CAB39: variants seen among roughly 807,000 people sequenced by gnomAD.
CAB39 encodes calcium-binding protein 39.
In CAB39, 8 loss-of-function variants were observed where a neutral mutation model predicts 40.0. That is an observed-to-expected ratio of 0.20 (90% CI 0.12 to 0.36). The LOEUF is 0.36. CAB39 is among the 10% of genes least tolerant of loss of function. CAB39 has a pLI of 1.00. For missense variants in CAB39, 270 were observed against 401.1 expected, an observed-to-expected ratio of 0.67 and a Z score of 2.79; for synonymous variants, 156 against 141.6, an observed-to-expected ratio of 1.10 and a Z score of -0.72.
chr2:230,754,130 G>A (rs116489826), intron 1 of CAB39, among the ~76,000 whole-genome samples: 100 of 152,298 alleles, frequency 6.6e-4, no homozygotes, highest in African/African-American at 2.4e-3. Context: ...GAGGGCCATG[G>A]TAAGGAATTT....
Position 230,798,122 on chromosome 2 carries a change from G to C in CAB39, c.399-607G>C, listed in dbSNP as rs546431655. Among the ~76,000 whole-genome samples, 159 of 152,262 alleles carry C rather than the reference G, an allele frequency of 1.0e-3. 2 individuals are homozygous for C. The highest frequency in any genetic ancestry group is 2.1e-3 in the East Asian group (11 of 5,174). On this transcript the variant is annotated intron_variant, in intron 4 of 8. Transcript: ENST00000258418. ...GCATAGGGAAGGCTGTGTGCAGAGA[G>C]CTGATGAGGGGGGTCTGCCTGCTCT...
At chr2:230,747,218 C>A (rs1351449376) in intron 1 of CAB39, among the ~76,000 whole-genome samples, 1 of 152,136 alleles carries the variant, frequency 6.6e-6, no homozygotes, top group African/African-American at 2.4e-5. Context: ...GAGTGAGACT[C>A]CTTCTCAAAA....
At chr2:230,798,376 C>G (rs184970615) in intron 4 of CAB39, among the ~76,000 whole-genome samples, 121 of 152,256 alleles carry the variant, frequency 7.9e-4, no homozygotes, top group African/African-American at 2.8e-3. Flanking sequence ...TTCTGAGTGT[C>G]AAGAGCACCA....
At chr2:230,736,949 T>TAAC (rs1163316449) in intron 1 of CAB39, among the ~76,000 whole-genome samples, 1 of 152,160 alleles carries the variant, frequency 6.6e-6, no homozygotes, top group Non-Finnish European at 1.5e-5. Flanking sequence ...GGTCCAAGGT[T>TAAC]AGAGTGTCTG....
In CAB39 at chr2:230,756,947, T is replaced by A. The variant is rs1228219897; in HGVS notation, c.-43-3012T>A. 6.6e-5 allele frequency among the ~76,000 whole-genome samples: 10 copies of A among 152,318 alleles called. No individual in the cohort carries two copies. The East Asian group carries it at 1.9e-3, about 29-fold the overall frequency. ...ACCTCGTGATCTGCTGGCCTCGTCCTCCCAAAGTGCTGGGATTACAGGCGT... is the reference window on the plus strand; with the variant it reads ...ACCTCGTGATCTGCTGGCCTCGTCCACCCAAAGTGCTGGGATTACAGGCGT... On this transcript the variant is annotated intron_variant, in intron 1 of 8. Coordinates refer to ENST00000258418, the MANE Select transcript of CAB39 (RefSeq NM_016289.4).
chr2:230,717,051 T>A (rs1413374533), intron 1 of CAB39, among the ~76,000 whole-genome samples: 1 of 152,150 alleles, frequency 6.6e-6, no homozygotes, highest in Middle Eastern at 3.2e-3. Flanking sequence ...CATTTTCCTC[T>A]TTTTCATTGC....
chr2:230,721,668 G>A (rs1004016564), intron 1 of CAB39, among the ~76,000 whole-genome samples: 5 of 152,196 alleles, frequency 3.3e-5, no homozygotes, highest in Non-Finnish European at 7.3e-5. Flanking sequence ...TTGTTTGTAG[G>A]AGAGGTTCCA....
In CAB39 at chr2:230,768,974, G is replaced by T. The variant is rs1695436354; in HGVS notation, c.114+8859G>T. Among the ~76,000 whole-genome samples, 3 of 152,130 alleles carry T rather than the reference G, an allele frequency of 2.0e-5. No individual in the cohort carries two copies. The South Asian group carries it at 6.2e-4, about 31-fold the overall frequency. ...AAAAACAGAGATTGTCAGATTGGAT[G>T]AAAGAATCCCTACTATATGGTGCCT... On this transcript the variant is annotated intron_variant, in intron 2 of 8. Coordinates refer to ENST00000258418, the MANE Select transcript of CAB39 (RefSeq NM_016289.4).
intron 1 of CAB39, among the ~76,000 whole-genome samples, chr2:230,728,216 C>T (rs1033343240): frequency 6.6e-6 from 1 of 151,538 alleles, no homozygotes; most frequent in Admixed American, 6.6e-5. Context: ...CCAGCATGGG[C>T]GATAGAGTGA....
Position 230,729,318 on chromosome 2 carries a change from T to C in CAB39, c.-44+16088T>C, listed in dbSNP as rs146146699. On this transcript the variant is annotated intron_variant, in intron 1 of 8. Transcript: ENST00000258418. Reference sequence around the variant, plus strand: ...ACAAAGATGCCCAGTAACACTGATGTTTGATAATGTCTTGGCCAGTGCAAG... The same window carrying C: ...ACAAAGATGCCCAGTAACACTGATGCTTGATAATGTCTTGGCCAGTGCAAG... Among the ~76,000 whole-genome samples the C allele has an allele frequency of 6.5e-3, 987 of 152,346 alleles. 6 individuals carry two copies. Among genetic ancestry groups the C allele is most frequent in the South Asian group, 0.024 (115 of 4,824 alleles).
intron 1 of CAB39, among the ~76,000 whole-genome samples, chr2:230,739,683 G>A (rs1177174823): frequency 1.3e-5 from 2 of 152,160 alleles, no homozygotes; most frequent in African/African-American, 2.4e-5. Flanking sequence ...TAGTAGAGAC[G>A]GGGTTTCTGC....
chr2:230,761,367 T>C (rs918172997), intron 2 of CAB39, among the ~76,000 whole-genome samples: 1 of 152,170 alleles, frequency 6.6e-6, no homozygotes, highest in Non-Finnish European at 1.5e-5. Context: ...CTTATTCACA[T>C]GTAAGTACTT....
intron 2 of CAB39, among the ~76,000 whole-genome samples, chr2:230,772,620 G>T (rs1240841978): frequency 6.6e-6 from 1 of 152,018 alleles, no homozygotes; most frequent in East Asian, 1.9e-4. Context: ...AAGTAGCTGG[G>T]ACTACAGGTG....
chr2:230,785,820 C>T (rs907186913), intron 2 of CAB39, among the ~76,000 whole-genome samples: 4 of 151,668 alleles, frequency 2.6e-5, no homozygotes, highest in African/African-American at 9.7e-5. Context: ...GTAGCTGAGA[C>T]TATAGGTGCA....
chr2:230,797,370 C>G (rs187888496), intron 4 of CAB39, among the ~76,000 whole-genome samples: 1 of 152,252 alleles, frequency 6.6e-6, no homozygotes, highest in East Asian at 1.9e-4. Context: ...CACAGTCACA[C>G]TAGACAAATT....
Position 230,773,057 on chromosome 2 carries a change from AAGAAGCCAG to A in CAB39, c.114+12944_114+12952del, listed in dbSNP as rs745372239. Among the ~76,000 whole-genome samples, 120 of 152,236 alleles carry A rather than the reference AAGAAGCCAG, an allele frequency of 7.9e-4. 1 individual carries two copies. The highest frequency in any genetic ancestry group is 1.4e-3 in the Non-Finnish European group (93 of 68,018). ...ATCTCAAAGTGATTATGTTGAACAA[AAGAAGCCAG>A]ACTATAAAGAGCACATAGTATATGA... On this transcript the variant is annotated intron_variant, in intron 2 of 8. Transcript: ENST00000258418.
At chr2:230,716,478 G>C (rs1694351958) in intron 1 of CAB39, among the ~76,000 whole-genome samples, 1 of 152,162 alleles carries the variant, frequency 6.6e-6, no homozygotes, top group Admixed American at 6.5e-5. Context: ...ATAAAATTCA[G>C]TAGTAGGACG....
At chr2:230,789,530 T>A (rs1212973583) in intron 2 of CAB39, among the ~76,000 whole-genome samples, 1 of 152,224 alleles carries the variant, frequency 6.6e-6, no homozygotes, top group Non-Finnish European at 1.5e-5. Flanking sequence ...AGTACTTTGC[T>A]TGATGACTAG....
intron 2 of CAB39, among the ~76,000 whole-genome samples, chr2:230,783,554 C>T (rs1317369852): frequency 6.6e-6 from 1 of 151,992 alleles, no homozygotes; most frequent in Non-Finnish European, 1.5e-5. Flanking sequence ...CATCTCGGCT[C>T]AGTTCAACCT....
Sources: gnomAD v4.1 joint callset for allele counts (sites outside exome capture counted in the v4.1 genomes callset) on GRCh38, gnomAD v4.1.1 for gene constraint, MANE v1.5 for transcripts, NCBI Gene and HGNC (gene_info 2026-07-23, HGNC 2026-07-21) for gene names.